The following MOB3C variants were observed in gnomAD, a reference collection of about 807,000 sequenced individuals.
The protein encoded by MOB3C is MOB kinase activator 3C, also known as MOB1, Mps One Binder kinase activator-like 2C.
MOB3C carries 17 observed loss-of-function variants against 19.8 expected under a neutral mutation model. The ratio of observed to expected loss-of-function variants is 0.86; its 90% CI spans 0.59 to 1.29. The LOEUF is 1.29. Ranked by LOEUF, MOB3C falls within the 50% of genes most tolerant of loss-of-function variation. The pLI, the probability that MOB3C is intolerant of heterozygous loss-of-function variation, is 0.00. For missense variants in MOB3C, 291 were observed against 301.9 expected (o/e 0.96, Z 0.27); for synonymous variants, 101 against 119.2 (o/e 0.85, Z 0.99).
chr1:46,608,556 A>G lies in MOB3C; in HGVS notation c.*1099T>C, dbSNP rs917673741. On this transcript the variant is annotated 3_prime_UTR_variant, in exon 4 of 4. Transcript: ENST00000319928. The surrounding 1 kb of genome is among the most constrained non-coding windows in gnomAD (Gnocchi z 4.5). ...GGCTGGGAAGGAGGCAGGTACTTTT[A>G]GGATGGAGGATCTCCATGCCTGGAA... 2.6e-5 allele frequency: 4 copies of G among 152,692 alleles called. No homozygotes were observed. The highest frequency in any genetic ancestry group is 9.7e-5 in the African/African-American group (4 of 41,450). The allele number at this position is 152,692 out of a possible 1,614,324, so 9.5% of individuals were successfully genotyped here. A position where few individuals can be genotyped will look rare whatever the true frequency, so the allele number is the denominator to read the frequency against.
chr1:46,612,979 G>T lies in MOB3C; in HGVS notation c.343C>A (p.Pro115Thr). Residue 115 changes from proline to threonine, a missense_variant, in exon 2 of 4, where the codon CCG (proline) becomes ACG (threonine). Pro to Thr is a conservative substitution (Grantham distance 38, BLOSUM62 -1). Coordinates refer to ENST00000319928, the MANE Select transcript of MOB3C (RefSeq NM_201403.3). Reference sequence around the variant, plus strand: ...TCCATGAGCAATGCCATATAGCGCGGCGCAGAGAGCTTGGCGGGCCGCCGG... The same window carrying T: ...TCCATGAGCAATGCCATATAGCGCGTCGCAGAGAGCTTGGCGGGCCGCCGG... Reference protein sequence around the residue: ...QYRRPAKLSAPRYMALLMDWI... With the variant: ...QYRRPAKLSATRYMALLMDWI... The T allele has an allele frequency of 6.2e-7, 1 of 1,611,024 alleles. No homozygotes were observed. Among genetic ancestry groups the T allele is most frequent in the Non-Finnish European group, 8.5e-7 (1 of 1,178,118 alleles).
In MOB3C at chr1:46,609,602, C is replaced by T; in HGVS notation, c.*53G>A. The T allele has an allele frequency of 6.2e-7, 1 of 1,612,620 alleles. No homozygotes were observed. Among genetic ancestry groups the T allele is most frequent in the South Asian group, 1.1e-5 (1 of 91,018 alleles). ...GGCTCCTGGGGGTCCCCTCTGCCAG[C>T]CACCCTATGTTCAGATCGTCCATCT... On this transcript the variant is annotated 3_prime_UTR_variant, in exon 4 of 4. Coordinates refer to ENST00000319928, the MANE Select transcript of MOB3C (RefSeq NM_201403.3).
intron 2 of MOB3C, 83 bp downstream of exon 2, chr1:46,612,821 C>A: frequency 3.7e-6 from 5 of 1,367,382 alleles, no homozygotes; most frequent in Non-Finnish European, 4.9e-6. Flanking sequence ...CAACCCCCAA[C>A]CCTGCAGAGT....
chr1:46,609,466 C>T lies in MOB3C; in HGVS notation c.*189G>A. On this transcript the variant is annotated 3_prime_UTR_variant, in exon 4 of 4. Transcript: ENST00000319928. ...TTCTGTTTGCCTGCCTAGATGCTCT[C>T]CCCTTCTCCATCCACAAGCGGTCAG... The T allele has an allele frequency of 5.7e-6, 4 of 701,464 alleles. No individual in the cohort carries two copies. The highest frequency in any genetic ancestry group is 7.5e-6 in the Non-Finnish European group (3 of 397,618). The allele number at this position is 701,464 out of a possible 1,614,324, so 43.5% of individuals were successfully genotyped here. A position where few individuals can be genotyped will look rare whatever the true frequency, so the allele number is the denominator to read the frequency against.
chr1:46,613,034 G>A lies in MOB3C; in HGVS notation c.288C>T (p.Tyr96=), dbSNP rs115764884. The change falls in exon 2 of 4, where the codon TAC becomes TAT. Residue 96 remains tyrosine, a synonymous_variant. Transcript: ENST00000319928. ...GGCGCTCGTCCTGCCAGCGGTACTC[G>A]TAGCGGGGCCCGCCGGCCATGACCG... is the stretch of plus-strand genomic sequence containing the variant. ...SCPVMAGGPR[Y]EYRWQDERQY... 1,931 of 1,613,988 alleles carry A rather than the reference G, an allele frequency of 1.2e-3. 28 individuals are homozygous for A. The African/African-American group carries it at 0.023, about 20-fold the overall frequency.
At position 46,613,324 on chromosome 1, in the gene MOB3C, C is replaced by G; in HGVS notation, c.-3G>C. The stretch of plus-strand genomic sequence containing the variant: ...ACCTGCTTCAGGCACAGGGCCATGG[C>G]CAGCTGGGCCTGGGGCTGCTGTCCA... On this transcript the variant is annotated 5_prime_UTR_variant, in exon 2 of 4. Coordinates refer to ENST00000319928, the MANE Select transcript of MOB3C (RefSeq NM_201403.3). 1 of 1,602,972 alleles carries G rather than the reference C, an allele frequency of 6.2e-7. No homozygotes were observed. Among genetic ancestry groups the G allele is most frequent in the South Asian group, 1.1e-5 (1 of 91,050 alleles).
rs1675496989 is a variant in MOB3C at position 46,613,008 on chromosome 1, T to C, written c.314A>G (p.Gln105Arg). 1 of 1,613,224 alleles carries C rather than the reference T, an allele frequency of 6.2e-7. No homozygotes were observed. The highest frequency in any genetic ancestry group is 8.5e-7 in the Non-Finnish European group (1 of 1,179,472). Reference protein sequence around the residue: ...RYEYRWQDERQYRRPAKLSAP... With the variant: ...RYEYRWQDERRYRRPAKLSAP... ...AGAGAGCTTGGCGGGCCGCCGGTAC[T>C]GGCGCTCGTCCTGCCAGCGGTACTC... Residue 105 changes from glutamine (Q) to arginine (R), a missense_variant, in exon 2 of 4, where the codon CAG (glutamine) becomes CGG (arginine). Coordinates refer to ENST00000319928, the MANE Select transcript of MOB3C (RefSeq NM_201403.3).
intron 3 of MOB3C, 21 bp downstream of exon 3, chr1:46,609,981 G>A: frequency 6.2e-7 from 1 of 1,613,180 alleles, no homozygotes; most frequent in Non-Finnish European, 8.5e-7. Context: ...GGTAGGGGAG[G>A]GTGGTAGGGC....
At position 46,610,190 on chromosome 1, in the gene MOB3C, T is replaced by C. The variant is rs759082566; in HGVS notation, c.433A>G (p.Lys145Glu). The C allele has an allele frequency of 5.0e-6, 8 of 1,614,078 alleles. No individual in the cohort carries two copies. In the Admixed American group the frequency reaches 5.0e-5, roughly 10 times the overall value. ...FPTRVGVPFP[K>E]NFQQVCTKIL... Reference sequence around the variant, plus strand: ...TTGGTGCAGACCTGCTGGAAGTTCTTAGGGAAGGGAACTCCTAGAGGGCAG... The same window carrying C: ...TTGGTGCAGACCTGCTGGAAGTTCTCAGGGAAGGGAACTCCTAGAGGGCAG... Residue 145 changes from lysine (K) to glutamate (E), a missense_variant, in exon 3 of 4, where the codon AAG becomes GAG. Physicochemically the swap from Lys to Glu is moderately conservative, Grantham distance 56 (BLOSUM62 1). Coordinates refer to ENST00000319928, the MANE Select transcript of MOB3C (RefSeq NM_201403.3).
At chr1:46,612,796 AAT>A in intron 2 of MOB3C, 106 bp downstream of exon 2, 1 of 1,138,236 alleles carries the variant, frequency 8.8e-7, no homozygotes, top group South Asian at 1.8e-5. Context: ...TCTTCCACAA[AAT>A]GGGGATGAAA....
At chr1:46,612,829 A>T in intron 2 of MOB3C, 75 bp downstream of exon 2, 1 of 1,400,132 alleles carries the variant, frequency 7.1e-7, no homozygotes, top group Non-Finnish European at 9.6e-7. Context: ...AACCCTGCAG[A>T]GTGTCTATAT....
In MOB3C at chr1:46,609,579, C is replaced by A. The variant is rs1675426120; in HGVS notation, c.*76G>T. ...TCCAGTGCCTTCAGATTCCTTCAGG[C>A]TCCTGGGGGTCCCCTCTGCCAGCCA... On this transcript the variant is annotated 3_prime_UTR_variant, in exon 4 of 4. Coordinates refer to ENST00000319928, the MANE Select transcript of MOB3C (RefSeq NM_201403.3). The A allele has an allele frequency of 5.1e-6, 8 of 1,578,718 alleles. No homozygotes were observed. The highest frequency in any genetic ancestry group is 1.3e-5 in the African/African-American group (1 of 74,210).
intron 1 of MOB3C, 73 bp from the exon 2 acceptor site, chr1:46,613,444 C>T: frequency 7.4e-7 from 1 of 1,360,230 alleles, no homozygotes; most frequent in South Asian, 1.3e-5. Flanking sequence ...CCCAATTCAT[C>T]ATTTCCCTGT....
rs867234544 is a variant in MOB3C at position 46,609,256 on chromosome 1, C to T, written c.*399G>A. On this transcript the variant is annotated 3_prime_UTR_variant, in exon 4 of 4. Coordinates refer to ENST00000319928, the MANE Select transcript of MOB3C (RefSeq NM_201403.3). Reference sequence around the variant, plus strand: ...AAATCACACACACACACACACACCCCGGCATCTGTGCTCACTCACAGGCAG... The same window carrying T: ...AAATCACACACACACACACACACCCTGGCATCTGTGCTCACTCACAGGCAG... 1.2e-4 allele frequency: 38 copies of T among 309,580 alleles called. No individual in the cohort carries two copies. The highest frequency in any genetic ancestry group is 1.0e-3 in the Admixed American group (22 of 21,174). 19.2% of individuals were successfully genotyped at this position (309,580 alleles called of 1,614,324 possible).
In MOB3C at chr1:46,608,872, A is replaced by G. The variant is rs958591775; in HGVS notation, c.*783T>C. The G allele has an allele frequency of 6.5e-6, 1 of 152,788 alleles. No individual in the cohort carries two copies. Among genetic ancestry groups the G allele is most frequent in the African/African-American group, 2.4e-5 (1 of 41,422 alleles). The allele number at this position is 152,788 out of a possible 1,614,324, so 9.5% of individuals were successfully genotyped here. A position where few individuals can be genotyped will look rare whatever the true frequency, so the allele number is the denominator to read the frequency against. On this transcript the variant is annotated 3_prime_UTR_variant, in exon 4 of 4. Transcript: ENST00000319928. The surrounding 1 kb of genome is among the most constrained non-coding windows in gnomAD (Gnocchi z 4.5). ...ATGAGTAAAATGTCAGCTCATGGGCATCTCTGGGTAAGAGAATCAGAGCCT... is the reference window on the plus strand; with the variant it reads ...ATGAGTAAAATGTCAGCTCATGGGCGTCTCTGGGTAAGAGAATCAGAGCCT...
At chr1:46,613,485 C>T in intron 1 of MOB3C, 114 bp from the exon 2 acceptor site, 1 of 1,033,350 alleles carries the variant, frequency 9.7e-7, no homozygotes, top group Non-Finnish European at 1.4e-6. Context: ...ACCTCTGCAT[C>T]CTCTGCCTGG....
At position 46,609,246 on chromosome 1, in the gene MOB3C, A is replaced by G. The variant is rs544835191; in HGVS notation, c.*409T>C. 1.7e-5 allele frequency: 5 copies of G among 300,102 alleles called. No individual in the cohort carries two copies. Among genetic ancestry groups the G allele is most frequent in the Non-Finnish European group, 2.6e-5 (4 of 155,024 alleles). 18.6% of individuals were successfully genotyped at this position (300,102 alleles called of 1,614,324 possible). A position where few individuals can be genotyped will look rare whatever the true frequency, so the allele number is the denominator to read the frequency against. ...CCCACAGTGAAAATCACACACACAC[A>G]CACACACCCCGGCATCTGTGCTCAC... is the stretch of plus-strand genomic sequence containing the variant. On this transcript the variant is annotated 3_prime_UTR_variant, in exon 4 of 4. Transcript: ENST00000319928.
Position 46,609,982 on chromosome 1 carries a change from G to A in MOB3C, c.621+20C>T, listed in dbSNP as rs764668936. The stretch of plus-strand genomic sequence containing the variant: ...CAGAGGCTAGCCTTGGTAGGGGAGG[G>A]TGGTAGGGCTTGGCCTCACCAGTGG... On this transcript the variant is annotated intron_variant, in intron 3 of 3. Transcript: ENST00000319928. 5.0e-6 allele frequency: 8 copies of A among 1,613,272 alleles called. No homozygotes were observed. In the African/African-American group the frequency reaches 8.0e-5, roughly 16 times the overall value.
rs1675415681 is a variant in MOB3C at position 46,609,011 on chromosome 1, G to C, written c.*644C>G. The C allele has an allele frequency of 6.5e-6, 1 of 154,530 alleles. No homozygotes were observed. Among genetic ancestry groups the C allele is most frequent in the South Asian group, 2.0e-4 (1 of 4,976 alleles). 9.6% of individuals were successfully genotyped at this position (154,530 alleles called of 1,614,324 possible). ...GTGTAGCCTGGAAGGTTTGAATGTAGAGCAACATCTACAACCACATTTTTG... is the reference window on the plus strand; with the variant it reads ...GTGTAGCCTGGAAGGTTTGAATGTACAGCAACATCTACAACCACATTTTTG... On this transcript the variant is annotated 3_prime_UTR_variant, in exon 4 of 4. Transcript: ENST00000319928.
Sources: gnomAD v4.1 joint callset for allele counts on GRCh38, gnomAD v4.1.1 for gene constraint, Gnocchi (gnomAD v3.1) non-coding constraint, MANE v1.5 for transcripts, NCBI Gene and HGNC (gene_info 2026-07-23, HGNC 2026-07-21) for gene names.